AKNA: variants seen among roughly 807,000 people sequenced by gnomAD.
The protein encoded by AKNA is AT-hook transcription factor.
In AKNA, 67 loss-of-function variants were observed where a neutral mutation model predicts 138.8. The ratio of observed to expected loss-of-function variants is 0.48; its 90% CI spans 0.40 to 0.59. AKNA has a LOEUF of 0.59. AKNA is among the 20% of genes least tolerant of loss of function. The pLI, the probability that AKNA is intolerant of heterozygous loss-of-function variation, is 0.00. For synonymous variants in AKNA, 737 were observed against 754.4 expected, an observed-to-expected ratio of 0.98 and a Z score of 0.38; for missense variants, 1,813 against 1,880.4, an observed-to-expected ratio of 0.96 and a Z score of 0.66.
chr9:114,374,193 C>A (rs2132031641), intron 3 of AKNA, 26 bp from the exon 4 acceptor site: 1 of 1,550,688 alleles, frequency 6.4e-7, no homozygotes, highest in South Asian at 1.2e-5. Context: ...GCAACACGGT[C>A]ACATGCGCAG....
At chr9:114,340,658 T>C (rs1830279949) in intron 21 of AKNA, among the ~76,000 whole-genome samples, 1 of 152,178 alleles carries the variant, frequency 6.6e-6, no homozygotes, top group South Asian at 2.1e-4. Context: ...GAAGTTAGTT[T>C]GCCAAGGCCA....
chr9:114,386,390 G>A lies in AKNA; in HGVS notation c.-114+1470C>T, dbSNP rs181372144. On this transcript the variant is annotated intron_variant, in intron 1 of 21. Coordinates refer to ENST00000374088, the MANE Select transcript of AKNA (RefSeq NM_001317950.2). ...CATTCCAGGCAGCGGGAACAGCACG[G>A]AGGCAAAGGCACGTAGGTCTGAAAG... 2.0e-5 allele frequency among the ~76,000 whole-genome samples: 3 copies of A among 152,306 alleles called. No individual in the cohort carries two copies. In the East Asian group the frequency reaches 5.8e-4, roughly 29 times the overall value.
rs146163104 is a variant in AKNA at position 114,367,660 on chromosome 9, C to G, written c.1611G>C (p.Ser537=). The G allele has an allele frequency of 3.8e-3, 6,013 of 1,595,524 alleles. 119 individuals carry two copies. Among genetic ancestry groups the G allele is most frequent in the Non-Finnish European group, 1.6e-3 (1,925 of 1,166,700 alleles). The change falls in exon 6 of 22, where the codon TCG becomes TCC. Residue 537 remains serine, a synonymous_variant. Transcript: ENST00000374088. The part of the protein sequence containing the change: ...PSARGDLSPS[S]LTSMPTLGWL... Reference sequence around the variant, plus strand: ...ACCCCAGGGTGGGCATGCTGGTAAGCGAGGAGGGGCTCAAGTCTCCTCGAG... The same window carrying G: ...ACCCCAGGGTGGGCATGCTGGTAAGGGAGGAGGGGCTCAAGTCTCCTCGAG...
At chr9:114,374,274 C>T in intron 3 of AKNA, 107 bp from the exon 4 acceptor site, 2 of 1,106,926 alleles carry the variant, frequency 1.8e-6, no homozygotes, top group Non-Finnish European at 2.7e-6. Flanking sequence ...TTCTGGGTTC[C>T]TGAGAGGAAA....
At position 114,356,856 on chromosome 9, in the gene AKNA, G is replaced by A. The variant is rs376428731; in HGVS notation, c.2846+7C>T. The A allele has an allele frequency of 1.5e-4, 223 of 1,536,232 alleles. No homozygotes were observed. The African/African-American group carries it at 2.6e-3, about 18-fold the overall frequency. On this transcript the variant is annotated splice_region_variant and intron_variant, in intron 13 of 21. Transcript: ENST00000374088. ...ACTGACGGGACAATGGCGGGATCCC[G>A]GGATACCTGATGTGGGAGAGCCGGT...
rs370226733 is a variant in AKNA, at chr9:114,337,248, C to A, written c.4126G>T (p.Ala1376Ser). ...AQPAAKWPPT[A>S]SPPPARRHRH... ...TGTCTCCGGGCTGGTGGGGGAGAGG[C>A]TGTGGGCGGCCACTTGGCAGCTGGT... Residue 1376 changes from alanine (A) to serine (S), a missense_variant, in exon 22 of 22, where the codon GCC (alanine) becomes TCC (serine). Physicochemically the swap from Ala to Ser is moderately conservative, Grantham distance 99. Coordinates refer to ENST00000374088, the MANE Select transcript of AKNA (RefSeq NM_001317950.2). The A allele has an allele frequency of 4.5e-6, 7 of 1,558,630 alleles. No homozygotes were observed. The highest frequency in any genetic ancestry group is 6.1e-6 in the Non-Finnish European group (7 of 1,143,896).
chr9:114,359,866 A>C (rs1307978071), intron 10 of AKNA, 30 bp downstream of exon 10: 20 of 1,613,854 alleles, frequency 1.2e-5, no homozygotes, highest in South Asian at 2.2e-5. Flanking sequence ...TGCTGGCCAG[A>C]CACCCTGGTC....
chr9:114,360,095 A>G (rs769677508), intron 9 of AKNA, 33 bp from the exon 10 acceptor site: 3 of 1,613,744 alleles, frequency 1.9e-6, no homozygotes, highest in East Asian at 2.2e-5. Flanking sequence ...ACAGAGATTC[A>G]GCAGATAGTT....
upstream of AKNA, among the ~76,000 whole-genome samples, chr9:114,390,155 G>A (rs1273860913): frequency 3.9e-5 from 6 of 152,032 alleles, no homozygotes; most frequent in South Asian, 2.1e-4. Flanking sequence ...CCCATCTCAG[G>A]GGCAGCCACC....
intron 4 of AKNA, among the ~76,000 whole-genome samples, chr9:114,368,979 GTTATAA>G (rs1219149411): frequency 1.3e-4 from 20 of 152,118 alleles, no homozygotes; most frequent in Non-Finnish European, 2.5e-4. Context: ...AATAATGTGT[GTTATAA>G]TTATATCATA....
At position 114,336,988 on chromosome 9, in the gene AKNA, C is replaced by T; in HGVS notation, c.*66G>A. 6.9e-7 allele frequency: 1 copy of T among 1,444,584 alleles called. No individual in the cohort carries two copies. Among genetic ancestry groups the T allele is most frequent in the African/African-American group, 1.4e-5 (1 of 70,514 alleles). 89.5% of individuals were successfully genotyped at this position (1,444,584 alleles called of 1,614,324 possible). A position where few individuals can be genotyped will look rare whatever the true frequency, so the allele number is the denominator to read the frequency against. ...CCTTCTGGGCCTCAGCAGCTCCAGC[C>T]CACTCCTGGCCTGGCAGGCCACCTG... On this transcript the variant is annotated 3_prime_UTR_variant, in exon 22 of 22. Coordinates refer to ENST00000374088, the MANE Select transcript of AKNA (RefSeq NM_001317950.2).
intron 1 of AKNA, among the ~76,000 whole-genome samples, chr9:114,393,306 C>T (rs984852829): frequency 3.3e-5 from 5 of 151,404 alleles, no homozygotes; most frequent in African/African-American, 9.7e-5. Flanking sequence ...AGCTCCGCCT[C>T]CCGGGTTCAT....
intron 2 of AKNA, among the ~76,000 whole-genome samples, chr9:114,378,243 C>T (rs937255690): frequency 2.0e-5 from 3 of 152,214 alleles, no homozygotes; most frequent in African/African-American, 7.2e-5. Flanking sequence ...ATTCTCTCCC[C>T]TCCTTGGCCT....
intron 8 of AKNA, 67 bp from the exon 9 acceptor site, chr9:114,361,978 GAGT>G: frequency 6.5e-7 from 1 of 1,536,904 alleles, no homozygotes; most frequent in Non-Finnish European, 8.8e-7. Context: ...TCCAGGAACA[GAGT>G]ATCAGAGCAG....
intron 7 of AKNA, among the ~76,000 whole-genome samples, 159 bp from the exon 8 acceptor site, chr9:114,362,692 G>T (rs571346884): frequency 6.6e-6 from 1 of 152,326 alleles, no homozygotes; most frequent in African/African-American, 2.4e-5. Context: ...TCTGGAGGCT[G>T]CCTGCCCTGG....
At position 114,341,638 on chromosome 9, in the gene AKNA, G is replaced by A. The variant is rs189050470; in HGVS notation, c.3962C>T (p.Pro1321Leu). The change falls in exon 21 of 22, where the codon CCA becomes CTA. Residue 1321 changes from proline to leucine, a missense_variant. Physicochemically the swap from Pro to Leu is moderately conservative, Grantham distance 98. Transcript: ENST00000374088. ...RSKQAGSSPR[P>L]PPGLWYLATA... The stretch of plus-strand genomic sequence containing the variant: ...TGCCAGATACCACAGTCCGGGGGGT[G>A]GGCGTGGCGACGACCCCGCCTGCTT... 9 of 1,610,894 alleles carry A rather than the reference G, an allele frequency of 5.6e-6. No individual in the cohort carries two copies. The highest frequency in any genetic ancestry group is 5.4e-5 in the African/African-American group (4 of 74,750).
intron 9 of AKNA, among the ~76,000 whole-genome samples, chr9:114,360,666 G>A (rs182458588): frequency 1.3e-5 from 2 of 150,494 alleles, no homozygotes; most frequent in East Asian, 3.9e-4. Context: ...TCCTACCAGT[G>A]TCCCACCCTA....
At chr9:114,367,789 C>T in intron 5 of AKNA, 92 bp from the exon 6 acceptor site, 1 of 1,404,684 alleles carries the variant, frequency 7.1e-7, no homozygotes, top group Non-Finnish European at 9.6e-7. Flanking sequence ...CCACCTCCAT[C>T]ATCAAGTTAT....
chr9:114,356,250 T>C (rs1483715520), intron 13 of AKNA, 114 bp from the exon 14 acceptor site: 2 of 953,710 alleles, frequency 2.1e-6, no homozygotes, highest in Non-Finnish European at 3.1e-6. Flanking sequence ...CTTTGTAACT[T>C]TGCATCTCGG....
Sources: gnomAD v4.1 joint callset for allele counts (sites outside exome capture counted in the v4.1 genomes callset) on GRCh38, gnomAD v4.1.1 for gene constraint, MANE v1.5 for transcripts, NCBI Gene and HGNC (gene_info 2026-07-23, HGNC 2026-07-21) for gene names.